The following FAM178B variants were observed in gnomAD, a reference collection of about 807,000 sequenced individuals.
FAM178B encodes protein FAM178B.
In FAM178B, 82 loss-of-function variants were observed where a neutral mutation model predicts 91.7. That is an observed-to-expected ratio of 0.89 (90% CI 0.75 to 1.07). The LOEUF is 1.07. FAM178B is among the 50% of genes least tolerant of loss of function. The pLI is 0.00. For synonymous variants in FAM178B, 368 were observed against 359.4 expected (o/e 1.02, Z -0.27); for missense variants, 769 against 846.7 (o/e 0.91, Z 1.14).
At chr2:96,951,005 T>C (rs1574293093) in intron 7 of FAM178B, among the ~76,000 whole-genome samples, 1 of 152,086 alleles carries the variant, frequency 6.6e-6, no homozygotes, top group East Asian at 1.9e-4. Context: ...TAGGAAGCAC[T>C]TGTTGAGGGG....
At chr2:96,940,369 G>A (rs1194091769) in intron 8 of FAM178B, among the ~76,000 whole-genome samples, 2 of 152,194 alleles carry the variant, frequency 1.3e-5, no homozygotes, top group East Asian at 3.8e-4. Context: ...GCTCTGACTG[G>A]CTCGCTTCCC....
At chr2:96,890,310 AT>A (rs990364825) in intron 14 of FAM178B, among the ~76,000 whole-genome samples, 6 of 152,074 alleles carry the variant, frequency 3.9e-5, no homozygotes, top group African/African-American at 1.4e-4. Flanking sequence ...ATATAAATAA[AT>A]AAATAATTAG....
chr2:96,981,322 G>A (rs1302201481), intron 1 of FAM178B, among the ~76,000 whole-genome samples: 1 of 152,118 alleles, frequency 6.6e-6, no homozygotes, highest in Non-Finnish European at 1.5e-5. Context: ...CGAGGTCTCA[G>A]GGTGGCACAT....
At chr2:96,968,545 G>A (rs758034941) in intron 4 of FAM178B, among the ~76,000 whole-genome samples, 9 of 152,102 alleles carry the variant, frequency 5.9e-5, no homozygotes, top group Non-Finnish European at 1.2e-4. Flanking sequence ...CAGGCCTGTC[G>A]TGAGCTCAGA....
At chr2:96,955,959 C>A (rs776283298) in intron 6 of FAM178B, among the ~76,000 whole-genome samples, 6 of 152,234 alleles carry the variant, frequency 3.9e-5, no homozygotes, top group Non-Finnish European at 7.3e-5. Flanking sequence ...TCTTCCCCTG[C>A]CTGCTGGATA....
chr2:96,877,631 G>A (rs2080276715), intron 16 of FAM178B: 1 of 457,496 alleles, frequency 2.2e-6, no homozygotes, highest in Admixed American at 3.4e-5. Context: ...TCCTGACCTT[G>A]TGATCCGCCC....
At chr2:96,977,735 G>C in intron 1 of FAM178B, 1 of 431,570 alleles carries the variant, frequency 2.3e-6, no homozygotes, top group Non-Finnish European at 4.7e-6. Flanking sequence ...CTCCTTTTTA[G>C]ATCAGTTTCT....
chr2:96,877,714 TAAG>T (rs2080279738), intron 16 of FAM178B, 173 bp downstream of exon 16: 2 of 632,846 alleles, frequency 3.2e-6, no homozygotes, highest in Non-Finnish European at 5.4e-6. Flanking sequence ...GGATTCTTGA[TAAG>T]AATGATGAAG....
chr2:96,959,280 G>A (rs2082047480), intron 6 of FAM178B, among the ~76,000 whole-genome samples: 1 of 151,780 alleles, frequency 6.6e-6, no homozygotes, highest in African/African-American at 2.4e-5. Context: ...AACAAGATTG[G>A]CTTTGAGTTG....
rs187856974 is a variant in FAM178B at position 96,983,118 on chromosome 2, C to G, written c.73+3123G>C. Among the ~76,000 whole-genome samples, 241 of 152,182 alleles carry G rather than the reference C, an allele frequency of 1.6e-3. 1 individual carries two copies. Among genetic ancestry groups the G allele is most frequent in the African/African-American group, 5.3e-3 (222 of 41,522 alleles). On this transcript the variant is annotated intron_variant, in intron 1 of 16. Transcript: ENST00000490605. ...TCAGCCTTGAACTCCTGGGATCAAA[C>G]AATCCTCCTGCCTCAGCCTCCCAAA...
chr2:96,902,714 G>A lies in FAM178B; in HGVS notation c.1563-7C>T. On this transcript the variant is annotated splice_polypyrimidine_tract_variant and splice_region_variant and intron_variant, in intron 12 of 16. Coordinates refer to ENST00000490605, the MANE Select transcript of FAM178B (RefSeq NM_001122646.3). ...GAGCTGGCTTCGAAGCCGCCTGGGG[G>A]AAAAGCGACAGCCTGAGAGAGGGTG... is the stretch of plus-strand genomic sequence containing the variant. The A allele has an allele frequency of 6.5e-7, 1 of 1,548,100 alleles. No homozygotes were observed. The highest frequency in any genetic ancestry group is 8.7e-7 in the Non-Finnish European group (1 of 1,144,392).
At chr2:96,940,781 T>G (rs1574279667) in intron 8 of FAM178B, among the ~76,000 whole-genome samples, 1 of 152,240 alleles carries the variant, frequency 6.6e-6, no homozygotes, top group Admixed American at 6.5e-5. Flanking sequence ...CATTATACAC[T>G]TCAAATGTCT....
intron 14 of FAM178B, among the ~76,000 whole-genome samples, chr2:96,887,623 G>A (rs1275916922): frequency 6.6e-6 from 1 of 152,214 alleles, no homozygotes; most frequent in East Asian, 1.9e-4. Flanking sequence ...ATGTCGCAGT[G>A]TGATGTGCAG....
chr2:96,920,532 G>A (rs1039005790), intron 12 of FAM178B, among the ~76,000 whole-genome samples: 2 of 152,060 alleles, frequency 1.3e-5, no homozygotes, highest in African/African-American at 2.4e-5. Flanking sequence ...CCCAGAAGGT[G>A]GAGCTTGCAG....
intron 5 of FAM178B, among the ~76,000 whole-genome samples, chr2:96,961,333 G>GTT (rs1400829386): frequency 2.5e-4 from 38 of 151,482 alleles, no homozygotes; most frequent in Admixed American, 1.4e-3. Context: ...GTGTGTGTGT[G>GTT]TGTGTGTACA....
At chr2:96,894,367 C>T (rs1194207210) in intron 13 of FAM178B, among the ~76,000 whole-genome samples, 1 of 138,856 alleles carries the variant, frequency 7.2e-6, no homozygotes, top group Non-Finnish European at 1.6e-5. Flanking sequence ...ACTCACCCAC[C>T]CACTCATCCT....
intron 8 of FAM178B, among the ~76,000 whole-genome samples, chr2:96,936,224 C>T (rs144283587): frequency 2.8e-4 from 42 of 152,076 alleles, no homozygotes; most frequent in Non-Finnish European, 5.1e-4. Flanking sequence ...ATTTTTGAGA[C>T]GGAGTCTCGC....
At chr2:96,921,111 G>A (rs2081330315) in intron 12 of FAM178B, 54 bp downstream of exon 12, 2 of 1,442,780 alleles carry the variant, frequency 1.4e-6, no homozygotes, top group South Asian at 1.2e-5. Context: ...ATCCCTACAA[G>A]ACCCCGAAGA....
intron 6 of FAM178B, among the ~76,000 whole-genome samples, chr2:96,958,236 A>G (rs1173458865): frequency 6.6e-6 from 1 of 151,870 alleles, no homozygotes; most frequent in African/African-American, 2.4e-5. Context: ...CGCCCAGCTA[A>G]TTTTTTTGTA....
Sources: allele counts gnomAD v4.1 joint callset (sites outside exome capture counted in the v4.1 genomes callset), GRCh38; gene constraint gnomAD v4.1.1; transcripts MANE v1.5; gene names NCBI Gene and HGNC (gene_info 2026-07-23, HGNC 2026-07-21).